CCNG2: variants seen among roughly 807,000 people sequenced by gnomAD.
CCNG2 encodes the protein cyclin-G2.
A neutral mutation model predicts 36.5 loss-of-function variants in CCNG2; 20 were observed. The ratio of observed to expected loss-of-function variants is 0.55; its 90% CI spans 0.39 to 0.80. The LOEUF (loss-of-function observed/expected upper bound fraction) is 0.80, where lower values mean the gene tolerates loss of function less well. CCNG2 is among the 30% of genes least tolerant of loss of function. The pLI is 0.00. For missense variants in CCNG2, 358 were observed against 390.8 expected (o/e 0.92, Z 0.71); for synonymous variants, 155 against 140.1 (o/e 1.11, Z -0.75).
intron 3 of CCNG2, 105 bp from the exon 4 acceptor site, chr4:77,160,616 C>G (rs1215015203): frequency 8.7e-7 from 1 of 1,149,240 alleles, no homozygotes; most frequent in Non-Finnish European, 1.2e-6. Flanking sequence ...AGAGAAACAA[C>G]TTGATTGTGT....
intron 3 of CCNG2, among the ~76,000 whole-genome samples, chr4:77,159,778 A>C (rs1187354237): frequency 6.6e-6 from 1 of 152,242 alleles, no homozygotes; most frequent in Non-Finnish European, 1.5e-5. Flanking sequence ...GGTATTTGCC[A>C]TATATTTATA....
rs11353018 is a variant in CCNG2 at position 77,160,359 on chromosome 4, CTT to C, written c.277-347_277-346del. Reference sequence around the variant, plus strand: ...TTACATAATTTAAAGGTTCAAAAAACTTTTTTTTTTTTTTTTAAATAGAGATG... The same window carrying C: ...TTACATAATTTAAAGGTTCAAAAAACTTTTTTTTTTTTTTAAATAGAGATG... On this transcript the variant is annotated intron_variant, in intron 3 of 7. Coordinates refer to ENST00000316355, the MANE Select transcript of CCNG2 (RefSeq NM_004354.3). Among the ~76,000 whole-genome samples, 808 of 142,866 alleles carry C rather than the reference CTT, an allele frequency of 5.7e-3. 2 individuals are homozygous for C. The highest frequency in any genetic ancestry group is 0.038 in the Middle Eastern group (11 of 286). The allele number at this position is 142,866 out of a possible 152,430, so 93.7% of individuals were successfully genotyped here. A position where few individuals can be genotyped will look rare whatever the true frequency, so the allele number is the denominator to read the frequency against.
chr4:77,158,058 G>A (rs920366320), intron 1 of CCNG2, among the ~76,000 whole-genome samples: 4 of 152,042 alleles, frequency 2.6e-5, no homozygotes, highest in Non-Finnish European at 4.4e-5. Flanking sequence ...GGGCGCCCCG[G>A]GCGGGCGGGG....
At position 77,164,548 on chromosome 4, in the gene CCNG2, T is replaced by C. The variant is rs1731576964; in HGVS notation, c.911+69T>C. 5 of 1,158,770 alleles carry C rather than the reference T, an allele frequency of 4.3e-6. No homozygotes were observed. The South Asian group carries it at 5.3e-5, about 12-fold the overall frequency. 71.8% of individuals were successfully genotyped at this position (1,158,770 alleles called of 1,614,324 possible). ...TTACTGAGTTTATTATACTCAGAAC[T>C]GGAATAGTGTAAGACATCAGAGAAA... On this transcript the variant is annotated intron_variant, in intron 7 of 7. Transcript: ENST00000316355.
intron 6 of CCNG2, 126 bp downstream of exon 6, chr4:77,161,873 T>A: frequency 3.2e-6 from 2 of 631,026 alleles, no homozygotes; most frequent in Non-Finnish European, 5.4e-6. Context: ...TTTTCTTATA[T>A]CTCTAGTGTT....
chr4:77,161,619 T>C (rs546956792), intron 5 of CCNG2, 30 bp from the exon 6 acceptor site: 15 of 1,567,132 alleles, frequency 9.6e-6, no homozygotes, highest in Non-Finnish European at 1.2e-5. Flanking sequence ...TTTTAAAAAA[T>C]ATTTTTCTTT....
chr4:77,168,240 C>G lies in CCNG2; in HGVS notation c.*2316C>G, dbSNP rs1731677836. The G allele has an allele frequency of 6.6e-6, 1 of 152,246 alleles. No homozygotes were observed. The highest frequency in any genetic ancestry group is 2.1e-4 in the South Asian group (1 of 4,834). The allele number at this position is 152,246 out of a possible 1,614,324, so 9.4% of individuals were successfully genotyped here. A position where few individuals can be genotyped will look rare whatever the true frequency, so the allele number is the denominator to read the frequency against. On this transcript the variant is annotated 3_prime_UTR_variant, in exon 8 of 8. Transcript: ENST00000316355. ...GCCTGTTTATGGAGGTCACCAGCCT[C>G]TATCATTTGTATGATTTCGTTTACA...
intron 6 of CCNG2, among the ~76,000 whole-genome samples, 178 bp downstream of exon 6, chr4:77,161,925 C>T (rs191218699): frequency 4.6e-5 from 7 of 152,184 alleles, no homozygotes; most frequent in African/African-American, 7.2e-5. Context: ...AGTATTAATC[C>T]GGAAGGGAAC....
At chr4:77,163,927 T>C (rs1044309083) in intron 6 of CCNG2, among the ~76,000 whole-genome samples, 3 of 152,220 alleles carry the variant, frequency 2.0e-5, no homozygotes, top group African/African-American at 4.8e-5. Flanking sequence ...GATAGCTGAT[T>C]TATTAACAGA....
rs1178302237 is a variant in CCNG2 at position 77,161,563 on chromosome 4, G to C, written c.606+5G>C. On this transcript the variant is annotated splice_donor_5th_base_variant and intron_variant, in intron 5 of 7. Transcript: ENST00000316355. ...CTCATCTTTTCAAAAGCAAAAGTAA[G>C]TCGATTCCTTGCTTATGTATATATC... 6.2e-7 allele frequency: 1 copy of C among 1,606,044 alleles called. No individual in the cohort carries two copies. The highest frequency in any genetic ancestry group is 8.5e-7 in the Non-Finnish European group (1 of 1,176,454).
intron 6 of CCNG2, among the ~76,000 whole-genome samples, chr4:77,162,289 TGAG>T (rs1731460232): frequency 1.3e-5 from 2 of 151,808 alleles, no homozygotes; most frequent in Non-Finnish European, 2.9e-5. Context: ...GTTGGGGAAA[TGAG>T]GAACTTAACA....
intron 2 of CCNG2, 74 bp downstream of exon 2, chr4:77,158,744 G>A (rs1387396472): frequency 1.1e-5 from 17 of 1,521,650 alleles, no homozygotes; most frequent in Non-Finnish European, 1.5e-5. Flanking sequence ...CGCCCCCGTT[G>A]AATCATGACT....
At chr4:77,158,339 C>A in intron 1 of CCNG2, 194 bp from the exon 2 acceptor site, 1 of 577,678 alleles carries the variant, frequency 1.7e-6, no homozygotes, top group South Asian at 2.1e-5. Flanking sequence ...CACGGCTCCT[C>A]CCCCTGCCAC....
Position 77,166,664 on chromosome 4 carries a change from T to C in CCNG2, c.*740T>C, listed in dbSNP as rs769356860. On this transcript the variant is annotated 3_prime_UTR_variant, in exon 8 of 8. Transcript: ENST00000316355. ...AATCTGCTAGTTTTGCATGTACTTATATGAAAACAGTGCAGTAAGTTGAAA... is the reference window on the plus strand; with the variant it reads ...AATCTGCTAGTTTTGCATGTACTTACATGAAAACAGTGCAGTAAGTTGAAA... 4 of 152,230 alleles carry C rather than the reference T, an allele frequency of 2.6e-5. No homozygotes were observed. Among genetic ancestry groups the C allele is most frequent in the African/African-American group, 4.8e-5 (2 of 41,474 alleles). 9.4% of individuals were successfully genotyped at this position (152,230 alleles called of 1,614,324 possible).
intron 4 of CCNG2, 60 bp from the exon 5 acceptor site, chr4:77,161,420 C>T (rs1163050986): frequency 1.8e-6 from 2 of 1,118,142 alleles, no homozygotes; most frequent in African/African-American, 3.5e-5. Context: ...TATTTAAAAT[C>T]ATTTAAAATC....
chr4:77,161,546 T>A lies in CCNG2; in HGVS notation c.594T>A (p.Phe198Leu), dbSNP rs781460793. The change falls in exon 5 of 8, where the codon TTT (phenylalanine) becomes TTA (leucine). Residue 198 changes from phenylalanine to leucine, a missense_variant. Coordinates refer to ENST00000316355, the MANE Select transcript of CCNG2 (RefSeq NM_004354.3). ...QLKACNCRLI[F>L]SKAKPSVLAL... ...AAGCTTGCAACTGCCGACTCATCTT[T>A]TCAAAAGCAAAAGTAAGTCGATTCC... 6.2e-7 allele frequency: 1 copy of A among 1,610,438 alleles called. No homozygotes were observed. The highest frequency in any genetic ancestry group is 8.5e-7 in the Non-Finnish European group (1 of 1,178,648).
rs1731663026 is a variant in CCNG2, at chr4:77,167,734, A to C, written c.*1810A>C. 1 of 152,174 alleles carries C rather than the reference A, an allele frequency of 6.6e-6. No individual in the cohort carries two copies. The highest frequency in any genetic ancestry group is 1.5e-5 in the Non-Finnish European group (1 of 68,040). The allele number at this position is 152,174 out of a possible 1,614,324, so 9.4% of individuals were successfully genotyped here. On this transcript the variant is annotated 3_prime_UTR_variant, in exon 8 of 8. Transcript: ENST00000316355. ...TAGACCTTTGTTTTCTCTAGTTAGA[A>C]AATCAGGTACACTGAATATGGTTTT... is the stretch of plus-strand genomic sequence containing the variant.
intron 6 of CCNG2, among the ~76,000 whole-genome samples, chr4:77,163,705 AAT>A (rs1731547772): frequency 6.6e-6 from 1 of 152,238 alleles, no homozygotes; most frequent in South Asian, 2.1e-4. Context: ...ACAAAAAAGA[AAT>A]AAACTGGAGC....
chr4:77,165,799 A>G lies in CCNG2; in HGVS notation c.912-2A>G. ...TCTTTTTTTGTCTCTTTTTCTCTTT[A>G]GTGAGGACTCTTGTGAAGATATGAG... On this transcript the variant is annotated splice_acceptor_variant, in intron 7 of 7. Transcript: ENST00000316355. LOFTEE classifies it high-confidence loss of function. 6.4e-6 allele frequency: 10 copies of G among 1,559,562 alleles called. No individual in the cohort carries two copies. The highest frequency in any genetic ancestry group is 8.6e-6 in the Non-Finnish European group (10 of 1,157,196).
Sources: gnomAD v4.1 joint callset for allele counts (sites outside exome capture counted in the v4.1 genomes callset) on GRCh38, gnomAD v4.1.1 for gene constraint, MANE v1.5 for transcripts, NCBI Gene and HGNC (gene_info 2026-07-23, HGNC 2026-07-21) for gene names.